The following PTPRA variants were observed in gnomAD, a reference collection of about 807,000 sequenced individuals.
The protein encoded by PTPRA is receptor-type tyrosine-protein phosphatase alpha.
A neutral mutation model predicts 104.8 loss-of-function variants in PTPRA; 25 were observed. The observed-to-expected ratio is 0.24, with a 90% CI of 0.17 to 0.33. The LOEUF (loss-of-function observed/expected upper bound fraction) is 0.33, where lower values mean the gene tolerates loss of function less well. Among genes scored for constraint, PTPRA ranks in the 10% least tolerant of loss-of-function variants. The pLI is 1.00. For synonymous variants in PTPRA, 323 were observed against 368.9 expected (o/e 0.88, Z 1.43); for missense variants, 765 against 1,015.3 (o/e 0.75, Z 3.35).
In PTPRA at chr20:3,021,851, AGAG is replaced by A. The variant is rs1026633489; in HGVS notation, c.1162-200_1162-198del. Among the ~76,000 whole-genome samples, 288 of 152,336 alleles carry A rather than the reference AGAG, an allele frequency of 1.9e-3. 1 individual carries two copies. Among genetic ancestry groups the A allele is most frequent in the African/African-American group, 6.6e-3 (273 of 41,576 alleles). On this transcript the variant is annotated intron_variant, in intron 14 of 23. Coordinates refer to ENST00000399903, the MANE Select transcript of PTPRA (RefSeq NM_001385305.1). ...CAAGGGGCAGTGTGGTACTGCGAAA[AGAG>A]GACTTAGCTGGGAGCACTGCATTTT... is the stretch of plus-strand genomic sequence containing the variant.
intron 11 of PTPRA, among the ~76,000 whole-genome samples, chr20:3,008,757 A>C (rs2064003264): frequency 7.4e-6 from 1 of 134,660 alleles, no homozygotes; most frequent in Admixed American, 7.0e-5. Flanking sequence ...AAAAAAAAAA[A>C]AACAACTTAG....
At chr20:2,865,421 G>T in the PTPRA span, 1 of 1,614,188 alleles carries the variant, frequency 6.2e-7, no homozygotes, top group Admixed American at 1.7e-5. The surrounding 1 kb of genome is among the most constrained non-coding windows in gnomAD (Gnocchi z 5.2). Flanking sequence ...GAAGCTGACT[G>T]CCCTGGCAGA....
At chr20:2,986,323 G>A (rs2062909097) in intron 6 of PTPRA, among the ~76,000 whole-genome samples, 1 of 152,172 alleles carries the variant, frequency 6.6e-6, no homozygotes, top group African/African-American at 2.4e-5. Flanking sequence ...GGAACCCATT[G>A]AGGCTGAGAG....
chr20:3,014,089 G>A (rs1165694585), intron 11 of PTPRA, among the ~76,000 whole-genome samples: 2 of 152,144 alleles, frequency 1.3e-5, no homozygotes, highest in South Asian at 2.1e-4. Flanking sequence ...TGCGCTTAAC[G>A]TATTCTTAAG....
chr20:2,917,273 T>C (rs1166537213), intron 1 of PTPRA, among the ~76,000 whole-genome samples: 1 of 152,076 alleles, frequency 6.6e-6, no homozygotes, highest in Non-Finnish European at 1.5e-5. Flanking sequence ...AATAAATAAA[T>C]AAATAAAGAC....
the PTPRA span, chr20:2,864,757 A>C: frequency 1.5e-6 from 2 of 1,293,718 alleles, no homozygotes; most frequent in Non-Finnish European, 2.2e-6. The surrounding 1 kb of genome is among the most constrained non-coding windows in gnomAD (Gnocchi z 5.2). Context: ...TGCACACTCC[A>C]TCTGGTCCTC....
At chr20:2,995,280 T>C (rs893128673) in intron 9 of PTPRA, among the ~76,000 whole-genome samples, 4 of 148,126 alleles carry the variant, frequency 2.7e-5, no homozygotes, top group African/African-American at 9.7e-5. Flanking sequence ...TATTAGCTCT[T>C]TACTTTTTTT....
At position 3,024,467 on chromosome 20, in the gene PTPRA, T is replaced by C; in HGVS notation, c.1465-5T>C. ...CCAAGAACTTCTGTGTCATTCATGT[T>C]TCAGATGCAGTATGTCTTCATATAC... On this transcript the variant is annotated splice_region_variant and splice_polypyrimidine_tract_variant and intron_variant, in intron 16 of 23. Transcript: ENST00000399903. 6.2e-7 allele frequency: 1 copy of C among 1,611,924 alleles called. No individual in the cohort carries two copies. The highest frequency in any genetic ancestry group is 1.1e-5 in the South Asian group (1 of 91,014).
In PTPRA at chr20:3,007,350, A is replaced by C. The variant is rs1180128718; in HGVS notation, c.836A>C (p.His279Pro). Residue 279 changes from histidine (H) to proline (P), a missense_variant, in exon 11 of 24, where the codon CAC becomes CCC. Around this residue, in one of 4 missense-constraint regions of PTPRA, gnomAD observed 245 missense variants for 398.7 expected, o/e 0.61. Coordinates refer to ENST00000399903, the MANE Select transcript of PTPRA (RefSeq NM_001385305.1). ...TTGTTGGTTTGTTTCCTAGATGACC[A>C]CTCTAGAGTCCACCTGACACCGGTT... ...NRYVNILPYD[H>P]SRVHLTPVEG... The C allele has an allele frequency of 1.2e-6, 2 of 1,613,472 alleles. No homozygotes were observed. The highest frequency in any genetic ancestry group is 1.7e-6 in the Non-Finnish European group (2 of 1,179,576).
chr20:2,998,673 C>G (rs1218077750), intron 9 of PTPRA, among the ~76,000 whole-genome samples: 1 of 152,064 alleles, frequency 6.6e-6, no homozygotes, highest in Non-Finnish European at 1.5e-5. Flanking sequence ...TCCCATCACT[C>G]TAGTGTTCAG....
chr20:3,027,621 C>A (rs1269565630), intron 19 of PTPRA, 86 bp from the exon 20 acceptor site: 3 of 1,522,004 alleles, frequency 2.0e-6, no homozygotes, highest in South Asian at 2.4e-5. Flanking sequence ...CCGAGCAGTC[C>A]CCATTCCCTT....
intron 13 of PTPRA, among the ~76,000 whole-genome samples, chr20:3,018,785 T>C (rs1322462140): frequency 7.2e-6 from 1 of 138,516 alleles, no homozygotes; most frequent in Non-Finnish European, 1.5e-5. Flanking sequence ...GGCTCCTCAC[T>C]TCCCAGTAGG....
chr20:2,948,546 A>C (rs2061225336), intron 3 of PTPRA, among the ~76,000 whole-genome samples: 1 of 152,162 alleles, frequency 6.6e-6, no homozygotes, highest in African/African-American at 2.4e-5. Context: ...GCATTTTTTC[A>C]GAAAAGAATC....
chr20:3,009,955 T>A (rs369827712), intron 11 of PTPRA, among the ~76,000 whole-genome samples: 1 of 152,038 alleles, frequency 6.6e-6, no homozygotes, highest in East Asian at 1.9e-4. Context: ...CTCAAGCGAT[T>A]CTCATGCCTT....
the PTPRA span, chr20:2,866,316 G>A: frequency 8.7e-6 from 14 of 1,614,118 alleles, no homozygotes; most frequent in Non-Finnish European, 1.2e-5. Context: ...TTCTTGTTGG[G>A]TGCGTCAACT....
intron 9 of PTPRA, among the ~76,000 whole-genome samples, chr20:2,999,295 A>G (rs1467699197): frequency 6.6e-6 from 1 of 152,212 alleles, no homozygotes; most frequent in Non-Finnish European, 1.5e-5. Flanking sequence ...CCCAAGATAT[A>G]TAGATTCAAT....
chr20:2,990,508 C>T (rs919184618), intron 9 of PTPRA, among the ~76,000 whole-genome samples: 1 of 152,118 alleles, frequency 6.6e-6, no homozygotes, highest in Non-Finnish European at 1.5e-5. Context: ...GCCTTGATCA[C>T]AGGAGTTCGA....
At chr20:3,026,960 A>C (rs2065176045) in intron 18 of PTPRA, among the ~76,000 whole-genome samples, 161 bp from the exon 19 acceptor site, 1 of 152,204 alleles carries the variant, frequency 6.6e-6, no homozygotes, top group South Asian at 2.1e-4. Context: ...GGCTTCTGGA[A>C]ATAACGTAAA....
At chr20:2,934,231 A>G (rs1455620677) in intron 2 of PTPRA, among the ~76,000 whole-genome samples, 1 of 152,070 alleles carries the variant, frequency 6.6e-6, no homozygotes, top group African/African-American at 2.4e-5. Flanking sequence ...CAGCCTCTCA[A>G]GTAGCTGGGA....
Sources: gnomAD v4.1 joint callset for allele counts (sites outside exome capture counted in the v4.1 genomes callset) on GRCh38, gnomAD v4.1.1 for gene constraint, gnomAD v4.1.1 regional missense constraint, Gnocchi (gnomAD v3.1) non-coding constraint, MANE v1.5 for transcripts, NCBI Gene and HGNC (gene_info 2026-07-23, HGNC 2026-07-21) for gene names.